The following AOPEP variants were observed in gnomAD, a reference collection of about 807,000 sequenced individuals.
AOPEP encodes the protein aminopeptidase O.
In AOPEP, 77 loss-of-function variants were observed where a neutral mutation model predicts 98.1. The ratio of observed to expected loss-of-function variants is 0.78; its 90% CI spans 0.65 to 0.95. AOPEP has a LOEUF of 0.95. Among genes scored for constraint, AOPEP ranks in the 40% least tolerant of loss-of-function variants. AOPEP has a pLI of 0.00. For missense variants in AOPEP, 1,024 were observed against 1,024.7 expected (o/e 1.00, Z 0.01); for synonymous variants, 346 against 365.3 (o/e 0.95, Z 0.60).
rs1366259205 is a variant in AOPEP at position 94,972,069 on chromosome 9, G to A, written c.1916+4268G>A. 3.3e-5 allele frequency among the ~76,000 whole-genome samples: 5 copies of A among 152,228 alleles called. No homozygotes were observed. The highest frequency in any genetic ancestry group is 7.3e-5 in the Non-Finnish European group (5 of 68,050). On this transcript the variant is annotated intron_variant, in intron 10 of 16. Coordinates refer to ENST00000375315, the MANE Select transcript of AOPEP (RefSeq NM_001193329.3). The surrounding 1 kb of genome is among the most constrained non-coding windows in gnomAD (Gnocchi z 4.2). ...CCAGGAAAACAATTAGAAACCAATA[G>A]AGCGGTTCAGTCAAGAGACCTGGAG...
chr9:94,792,112 G>A (rs1276860803), intron 3 of AOPEP, among the ~76,000 whole-genome samples: 1 of 152,198 alleles, frequency 6.6e-6, no homozygotes, highest in African/African-American at 2.4e-5. Context: ...AAACTAGTTA[G>A]GAGTCCTTGG....
intron 10 of AOPEP, among the ~76,000 whole-genome samples, chr9:94,971,324 C>G (rs567469426): frequency 1.3e-4 from 20 of 152,290 alleles, no homozygotes; most frequent in African/African-American, 3.1e-4. Context: ...TTAAAAAAAT[C>G]TCCTTAAAAG....
At chr9:94,729,924 G>A (rs1196317729) in intron 1 of AOPEP, among the ~76,000 whole-genome samples, 2 of 152,178 alleles carry the variant, frequency 1.3e-5, no homozygotes, top group Admixed American at 1.3e-4. Context: ...AGAGTAGGAA[G>A]ACTGGGAGGC....
chr9:94,943,652 C>A (rs1266760334), intron 7 of AOPEP, among the ~76,000 whole-genome samples: 1 of 149,574 alleles, frequency 6.7e-6, no homozygotes, highest in African/African-American at 2.5e-5. Context: ...GGCACAGTGG[C>A]TCATGCCTGT....
At chr9:95,091,420 T>G (rs969948864), downstream of AOPEP, among the ~76,000 whole-genome samples, 1 of 152,124 alleles carries the variant, frequency 6.6e-6, no homozygotes, top group East Asian at 1.9e-4. Context: ...CACATTAAAG[T>G]GTGGTGGCTC....
intron 5 of AOPEP, among the ~76,000 whole-genome samples, chr9:94,804,476 A>G (rs1441460708): frequency 6.6e-6 from 1 of 152,152 alleles, no homozygotes; most frequent in East Asian, 1.9e-4. Flanking sequence ...GTTCTGCTTC[A>G]TGGCTCAGCT....
intron 11 of AOPEP, among the ~76,000 whole-genome samples, chr9:95,000,697 A>C (rs2061506563): frequency 6.6e-6 from 1 of 152,238 alleles, no homozygotes; most frequent in South Asian, 2.1e-4. Context: ...GACAAGAGCA[A>C]GACATTGTCT....
chr9:95,086,129 C>T (rs372135961), intron 16 of AOPEP: 25 of 1,361,178 alleles, frequency 1.8e-5, no homozygotes, highest in South Asian at 2.3e-5. Context: ...TGTAAGTGCC[C>T]GAGGCTCAGG....
the AOPEP span, chr9:95,110,207 ATGTAGAACT>A: frequency 1.0e-6 from 1 of 981,536 alleles, no homozygotes. Context: ...AGATGTGCCA[ATGTAGAACT>A]TTCTAGAAAT....
At chr9:94,761,203 T>G (rs1246488877) in intron 2 of AOPEP, among the ~76,000 whole-genome samples, 1 of 152,188 alleles carries the variant, frequency 6.6e-6, no homozygotes, top group East Asian at 1.9e-4. Context: ...TTCTTGGTAT[T>G]TGGTACCAGA....
downstream of AOPEP, among the ~76,000 whole-genome samples, chr9:95,091,038 G>A (rs536920796): frequency 1.6e-4 from 25 of 152,318 alleles, no homozygotes; most frequent in South Asian, 1.2e-3. Context: ...GCCGGTGGCC[G>A]GGCCTGGGGG....
chr9:95,135,892 C>A, the AOPEP span, among the ~76,000 whole-genome samples: 3 of 152,138 alleles, frequency 2.0e-5, no homozygotes, highest in African/African-American at 7.2e-5. Flanking sequence ...GGGATGCGGA[C>A]CTGGGTTTCG....
chr9:94,831,274 G>A (rs1370329922), intron 5 of AOPEP, among the ~76,000 whole-genome samples: 1 of 152,038 alleles, frequency 6.6e-6, no homozygotes, highest in Admixed American at 6.6e-5. Context: ...CTGCATATGG[G>A]TAGCCAGTTC....
chr9:94,727,844 C>T (rs974948753), intron 1 of AOPEP, among the ~76,000 whole-genome samples: 1 of 152,102 alleles, frequency 6.6e-6, no homozygotes, highest in Non-Finnish European at 1.5e-5. Flanking sequence ...CTGCTTTATC[C>T]CAGGTACTGT....
At chr9:95,101,482 A>C in the AOPEP span, 1 of 601,664 alleles carries the variant, frequency 1.7e-6, no homozygotes. Context: ...CCGAAGGCTC[A>C]CTTGAGTCAT....
intron 5 of AOPEP, among the ~76,000 whole-genome samples, chr9:94,860,689 G>T (rs956747736): frequency 3.3e-5 from 5 of 152,172 alleles, no homozygotes; most frequent in African/African-American, 1.2e-4. Context: ...CCGAGTTTCT[G>T]GCAGAAGCCG....
intron 1 of AOPEP, among the ~76,000 whole-genome samples, chr9:94,750,756 C>CTTTTTTTT (rs536762614): frequency 7.6e-6 from 1 of 130,916 alleles, no homozygotes; most frequent in Admixed American, 8.2e-5. Context: ...TCTTTTCTTT[C>CTTTTTTTT]TTTTTTTTTT....
chr9:95,057,223 C>G (rs1000030031), intron 13 of AOPEP, among the ~76,000 whole-genome samples: 2 of 152,222 alleles, frequency 1.3e-5, no homozygotes, highest in East Asian at 3.8e-4. Flanking sequence ...CCTTATCTCT[C>G]TCCCGCCAGT....
intron 5 of AOPEP, among the ~76,000 whole-genome samples, chr9:94,910,462 C>T (rs547040400): frequency 5.9e-5 from 9 of 152,334 alleles, no homozygotes; most frequent in African/African-American, 2.2e-4. Context: ...AACCGCGGAT[C>T]TTCTTGGGCT....
Sources: allele counts gnomAD v4.1 joint callset (sites outside exome capture counted in the v4.1 genomes callset), GRCh38; gene constraint gnomAD v4.1.1; non-coding constraint Gnocchi (gnomAD v3.1); transcripts MANE v1.5; gene names NCBI Gene and HGNC (gene_info 2026-07-23, HGNC 2026-07-21).